SORCS3: variants seen among roughly 807,000 people sequenced by gnomAD.
SORCS3 encodes VPS10 domain-containing receptor SorCS3.
Under a neutral mutation model 146.3 loss-of-function variants are expected in SORCS3, and 57 were observed. The observed-to-expected ratio is 0.39, with a 90% CI of 0.31 to 0.49. The LOEUF is 0.49. Ranked by LOEUF, SORCS3 falls within the 20% of genes least tolerant of loss-of-function variation. The pLI, the probability that SORCS3 is intolerant of heterozygous loss-of-function variation, is 0.92. For synonymous variants in SORCS3, 653 were observed against 618.5 expected, an observed-to-expected ratio of 1.06 and a Z score of -0.83; for missense variants, 1,341 against 1,575.5, an observed-to-expected ratio of 0.85 and a Z score of 2.52.
chr10:104,971,229 C>T (rs1036827320), intron 3 of SORCS3, among the ~76,000 whole-genome samples: 2 of 152,146 alleles, frequency 1.3e-5, no homozygotes, highest in African/African-American at 4.8e-5. Flanking sequence ...ATTGTTCTGG[C>T]CACGGTGTGA....
intron 5 of SORCS3, among the ~76,000 whole-genome samples, chr10:105,082,483 C>T (rs2055632203): frequency 6.6e-6 from 1 of 152,170 alleles, no homozygotes; most frequent in Non-Finnish European, 1.5e-5. Flanking sequence ...TCAAGGATTA[C>T]TACTTAGCTC....
intron 22 of SORCS3, among the ~76,000 whole-genome samples, chr10:105,250,791 G>A (rs146106970): frequency 1.2e-4 from 19 of 152,304 alleles, no homozygotes; most frequent in Middle Eastern, 3.4e-3. Context: ...ATCTCAGGCC[G>A]TTAAGAGGAT....
At chr10:104,835,405 T>G (rs1338900762) in intron 1 of SORCS3, among the ~76,000 whole-genome samples, 1 of 152,132 alleles carries the variant, frequency 6.6e-6, no homozygotes, top group Non-Finnish European at 1.5e-5. Flanking sequence ...AGTGAGGTCA[T>G]AAGAGTGAGG....
At chr10:105,262,219 A>G in intron 25 of SORCS3, 112 bp from the exon 26 acceptor site, 3 of 974,824 alleles carry the variant, frequency 3.1e-6, no homozygotes, top group Non-Finnish European at 4.7e-6. Context: ...TTTCCCTGAC[A>G]TGGACCCTTC....
intron 1 of SORCS3, among the ~76,000 whole-genome samples, chr10:104,717,247 T>A (rs571996339): frequency 1.0e-3 from 151 of 145,728 alleles, no homozygotes; most frequent in Admixed American, 1.6e-3. Context: ...GTTGTACCAC[T>A]GCACTCCAGC....
chr10:104,675,700 T>C (rs1043426998), intron 1 of SORCS3, among the ~76,000 whole-genome samples: 9 of 152,232 alleles, frequency 5.9e-5, no homozygotes, highest in Non-Finnish European at 4.4e-5. Context: ...GAACTTTCTA[T>C]TTGGTTCCAT....
At chr10:105,226,785 G>T (rs2056736310) in intron 20 of SORCS3, among the ~76,000 whole-genome samples, 1 of 151,552 alleles carries the variant, frequency 6.6e-6, no homozygotes, top group Non-Finnish European at 1.5e-5. Flanking sequence ...ATTCAGTCTT[G>T]GTGGGTTGTA....
rs888280815 is a variant in SORCS3, at chr10:105,159,108, G to A, written c.1732+114G>A. On this transcript the variant is annotated intron_variant, in intron 11 of 26. Coordinates refer to ENST00000369701, the MANE Select transcript of SORCS3 (RefSeq NM_014978.3). ...CATCAGATGAAAGCTGTGAGCACTC[G>A]CCCCAGAAAATATGCAGGGTTCCTC... 26 of 691,406 alleles carry A rather than the reference G, an allele frequency of 3.8e-5. 1 individual carries two copies. The highest frequency in any genetic ancestry group is 5.8e-5 in the Admixed American group (2 of 34,206). The allele number at this position is 691,406 out of a possible 1,614,324, so 42.8% of individuals were successfully genotyped here.
chr10:104,700,061 C>T (rs2133429913), intron 1 of SORCS3, among the ~76,000 whole-genome samples: 1 of 152,304 alleles, frequency 6.6e-6, no homozygotes, highest in South Asian at 2.1e-4. Flanking sequence ...TAAGGTTGGG[C>T]TTCAGAGTCA....
intron 1 of SORCS3, among the ~76,000 whole-genome samples, chr10:104,832,827 C>T (rs915759312): frequency 6.6e-6 from 1 of 152,178 alleles, no homozygotes; most frequent in African/African-American, 2.4e-5. Context: ...TAACAGAGCC[C>T]CAAGTTGTGG....
At chr10:105,030,810 C>T (rs1243522718) in intron 4 of SORCS3, among the ~76,000 whole-genome samples, 2 of 151,532 alleles carry the variant, frequency 1.3e-5, no homozygotes, top group East Asian at 4.0e-4. Context: ...TCAGGCTGGT[C>T]TTGAACTCCT....
At chr10:105,194,764 C>G (rs1277231530) in intron 14 of SORCS3, among the ~76,000 whole-genome samples, 1 of 152,142 alleles carries the variant, frequency 6.6e-6, no homozygotes, top group Non-Finnish European at 1.5e-5. Flanking sequence ...ACCAAAGATA[C>G]AGGAAATTTC....
intron 5 of SORCS3, among the ~76,000 whole-genome samples, chr10:105,075,643 A>G (rs1564748071): frequency 6.6e-6 from 1 of 152,218 alleles, no homozygotes; most frequent in East Asian, 1.9e-4. Flanking sequence ...CCCTATAAAG[A>G]AGGGGGGCGA....
intron 1 of SORCS3, among the ~76,000 whole-genome samples, chr10:104,687,176 C>T (rs930347679): frequency 1.3e-5 from 2 of 152,356 alleles, no homozygotes; most frequent in Admixed American, 1.3e-4. Context: ...CCCTGCCTTA[C>T]ATCCCCTGTC....
chr10:104,943,844 C>T (rs1043714256), intron 3 of SORCS3, among the ~76,000 whole-genome samples: 10 of 152,116 alleles, frequency 6.6e-5, no homozygotes, highest in Admixed American at 3.9e-4. Context: ...CTGGTATTAG[C>T]GCAAAGATAG....
intron 5 of SORCS3, among the ~76,000 whole-genome samples, chr10:105,066,324 G>A (rs527365674): frequency 6.6e-6 from 1 of 152,154 alleles, no homozygotes; most frequent in Non-Finnish European, 1.5e-5. Flanking sequence ...TTCTAGACCT[G>A]TGATCTTACT....
intron 3 of SORCS3, among the ~76,000 whole-genome samples, chr10:104,946,484 C>T (rs570617259): frequency 2.6e-5 from 4 of 152,186 alleles, no homozygotes; most frequent in African/African-American, 9.6e-5. Flanking sequence ...CAAAATTGTT[C>T]GATAAGCACT....
intron 1 of SORCS3, among the ~76,000 whole-genome samples, chr10:104,776,138 G>C (rs1298746200): frequency 1.3e-5 from 2 of 152,128 alleles, no homozygotes; most frequent in Admixed American, 6.5e-5. Flanking sequence ...ACTGGGCAGG[G>C]GGAGGGAGGT....
chr10:104,785,390 C>T (rs988915540), intron 1 of SORCS3, among the ~76,000 whole-genome samples: 3 of 140,098 alleles, frequency 2.1e-5, no homozygotes, highest in Non-Finnish European at 4.6e-5. Context: ...GCAGCATGCT[C>T]GTTAAGAGTC....
Sources: allele counts gnomAD v4.1 joint callset (sites outside exome capture counted in the v4.1 genomes callset), GRCh38; gene constraint gnomAD v4.1.1; transcripts MANE v1.5; gene names NCBI Gene and HGNC (gene_info 2026-07-23, HGNC 2026-07-21).